CEP128: variants seen among roughly 807,000 people sequenced by gnomAD.
The protein encoded by CEP128 is centrosomal protein 128kDa.
In CEP128, 132 loss-of-function variants were observed where a neutral mutation model predicts 156.7. The observed-to-expected ratio is 0.84, with a 90% CI of 0.73 to 0.97. The LOEUF (loss-of-function observed/expected upper bound fraction) is 0.97, where lower values mean the gene tolerates loss of function less well. Ranked by LOEUF, CEP128 falls within the 50% of genes least tolerant of loss-of-function variation. The pLI is 0.00. For synonymous variants in CEP128, 469 were observed against 448.9 expected, an observed-to-expected ratio of 1.04 and a Z score of -0.57; for missense variants, 1,252 against 1,281.9, an observed-to-expected ratio of 0.98 and a Z score of 0.36.
intron 21 of CEP128, among the ~76,000 whole-genome samples, chr14:80,531,774 C>T (rs1889237038): frequency 6.6e-6 from 1 of 152,148 alleles, no homozygotes; most frequent in Non-Finnish European, 1.5e-5. Context: ...TAAATTTGCA[C>T]AAAGTTGCAG....
At chr14:80,745,380 T>C (rs1224933097) in intron 18 of CEP128, among the ~76,000 whole-genome samples, 1 of 152,190 alleles carries the variant, frequency 6.6e-6, no homozygotes, top group African/African-American at 2.4e-5. Context: ...CAGGTAGTTC[T>C]TTGTAACAGT....
intron 15 of CEP128, among the ~76,000 whole-genome samples, chr14:80,779,991 G>C (rs999946402): frequency 2.6e-5 from 4 of 152,222 alleles, no homozygotes; most frequent in African/African-American, 9.6e-5. Context: ...CCAAAAAAAG[G>C]CTCTACAAAA....
chr14:80,743,090 G>A lies in CEP128; in HGVS notation c.2791C>T (p.His931Tyr). 1 of 1,613,238 alleles carries A rather than the reference G, an allele frequency of 6.2e-7. No homozygotes were observed. The highest frequency in any genetic ancestry group is 8.5e-7 in the Non-Finnish European group (1 of 1,179,456). ...ERQEQLLDEIHREKRDLLEET... is the reference protein window; with the variant it reads ...ERQEQLLDEIYREKRDLLEET... ...TAACACACACCTCTCTTCTCACGAT[G>A]TATTTCATCCAGAAGCTGCTCCTGC... Residue 931 changes from histidine to tyrosine, a missense_variant, in exon 19 of 25, where the codon CAT (histidine) becomes TAT (tyrosine). Coordinates refer to ENST00000555265, the MANE Select transcript of CEP128 (RefSeq NM_152446.5).
At chr14:80,596,592 T>A (rs1312267800) in intron 19 of CEP128, among the ~76,000 whole-genome samples, 1 of 151,992 alleles carries the variant, frequency 6.6e-6, no homozygotes. Context: ...GAGGATCACT[T>A]GAGCCCGGAA....
At chr14:80,916,377 A>C (rs1277172799) in intron 3 of CEP128, 24 bp downstream of exon 3, 2 of 1,590,064 alleles carry the variant, frequency 1.3e-6, no homozygotes, top group Non-Finnish European at 1.7e-6. Context: ...AAATTCTATT[A>C]AATGCAACCA....
chr14:80,830,101 C>G (rs1347235051), intron 13 of CEP128: 4 of 427,952 alleles, frequency 9.3e-6, no homozygotes, highest in African/African-American at 8.1e-5. Flanking sequence ...TCAGCAGGAT[C>G]AAGGGCTAAA....
intron 19 of CEP128, among the ~76,000 whole-genome samples, chr14:80,687,618 C>A (rs1478754626): frequency 6.6e-6 from 1 of 152,144 alleles, no homozygotes; most frequent in Non-Finnish European, 1.5e-5. Flanking sequence ...GAAAACCTTA[C>A]TTTTGGGTAG....
chr14:80,743,180 G>T lies in CEP128; in HGVS notation c.2701C>A (p.Gln901Lys). The change falls in exon 19 of 25, where the codon CAA becomes AAA. Residue 901 changes from glutamine to lysine, a missense_variant. Physicochemically the swap from Gln to Lys is moderately conservative, Grantham distance 53. Coordinates refer to ENST00000555265, the MANE Select transcript of CEP128 (RefSeq NM_152446.5). ...LRHQLMLCRQ[Q>K]LRNLTENKES... ...TTGTTTTCAGTCAAATTCCTGAGTT[G>T]TTGTCTGCAGAGCATCAGCTGGTGT... 1 of 1,613,676 alleles carries T rather than the reference G, an allele frequency of 6.2e-7. No homozygotes were observed.
At chr14:80,508,969 C>T (rs1175330789) in intron 23 of CEP128, among the ~76,000 whole-genome samples, 1 of 152,076 alleles carries the variant, frequency 6.6e-6, no homozygotes, top group Non-Finnish European at 1.5e-5. Context: ...TGTCAGAAAA[C>T]TTACAATCAT....
At chr14:80,683,690 A>C (rs1031286559) in intron 19 of CEP128, among the ~76,000 whole-genome samples, 3 of 152,120 alleles carry the variant, frequency 2.0e-5, no homozygotes, top group Non-Finnish European at 4.4e-5. Flanking sequence ...CATGAAACAC[A>C]CTCCAACACT....
At chr14:80,755,237 T>G (rs142341462) in intron 18 of CEP128, among the ~76,000 whole-genome samples, 1 of 152,310 alleles carries the variant, frequency 6.6e-6, no homozygotes, top group East Asian at 1.9e-4. Context: ...TTTTGTAACT[T>G]GGACTGGCTC....
At chr14:80,722,534 AATAT>A (rs914235513) in intron 19 of CEP128, among the ~76,000 whole-genome samples, 1 of 151,326 alleles carries the variant, frequency 6.6e-6, no homozygotes, top group Non-Finnish European at 1.5e-5. Context: ...AAGTATATAT[AATAT>A]ATATATAAAT....
intron 19 of CEP128, among the ~76,000 whole-genome samples, chr14:80,628,820 C>G (rs1201064746): frequency 7.0e-6 from 1 of 142,496 alleles, no homozygotes; most frequent in African/African-American, 2.8e-5. Context: ...AGGATGTGAG[C>G]CTATAGCTCA....
chr14:80,683,801 A>G (rs1896417779), intron 19 of CEP128, among the ~76,000 whole-genome samples: 2 of 152,166 alleles, frequency 1.3e-5, no homozygotes, highest in Admixed American at 1.3e-4. Context: ...ATAGAAATCA[A>G]TACAAAGAAA....
At chr14:80,830,153 A>T (rs1885709189) in intron 13 of CEP128, 1 of 511,992 alleles carries the variant, frequency 2.0e-6, no homozygotes, top group African/African-American at 2.0e-5. Context: ...TATAATTACC[A>T]TTGCTCTGAG....
At chr14:80,671,669 T>A (rs374909362) in intron 19 of CEP128, among the ~76,000 whole-genome samples, 1 of 152,164 alleles carries the variant, frequency 6.6e-6, no homozygotes, top group African/African-American at 2.4e-5. Context: ...AATGTAGATA[T>A]GTGTACAATT....
rs1418332529 is a variant in CEP128 at position 80,526,158 on chromosome 14, G to C, written c.3072+711C>G. On this transcript the variant is annotated intron_variant, in intron 23 of 24. Transcript: ENST00000555265. ...AGATGGGAGATGTTACTGGCATCTA[G>C]TGCGTACATTTTAGGGATGCAACTA... 2.0e-5 allele frequency among the ~76,000 whole-genome samples: 3 copies of C among 152,150 alleles called. No individual in the cohort carries two copies. The East Asian group carries it at 5.8e-4, about 29-fold the overall frequency.
chr14:80,484,140 C>T (rs889445447), intron 14 of CEP128, among the ~76,000 whole-genome samples: 2 of 152,118 alleles, frequency 1.3e-5, no homozygotes, highest in African/African-American at 4.8e-5. Flanking sequence ...CCATGCCCAA[C>T]TAATTTTTGT....
intron 8 of CEP128, among the ~76,000 whole-genome samples, chr14:80,876,103 C>T (rs905030978): frequency 6.6e-5 from 10 of 152,004 alleles, no homozygotes; most frequent in Admixed American, 2.6e-4. Context: ...TATATGAAAT[C>T]TGAAGTCCTA....
Sources: allele counts gnomAD v4.1 joint callset (sites outside exome capture counted in the v4.1 genomes callset), GRCh38; gene constraint gnomAD v4.1.1; transcripts MANE v1.5; gene names NCBI Gene and HGNC (gene_info 2026-07-23, HGNC 2026-07-21).